CPED1: variants seen among roughly 807,000 people sequenced by gnomAD.
CPED1 encodes cadherin like and PC-esterase domain containing 1.
In CPED1, 114 loss-of-function variants were observed where a neutral mutation model predicts 128.2. That is an observed-to-expected ratio of 0.89 (90% CI 0.76 to 1.04). CPED1 has a LOEUF of 1.04. Among genes scored for constraint, CPED1 ranks in the 50% least tolerant of loss-of-function variants. The pLI, the probability that CPED1 is intolerant of heterozygous loss-of-function variation, is 0.00. For missense variants in CPED1, 1,211 were observed against 1,207.1 expected (o/e 1.00, Z -0.05); for synonymous variants, 462 against 426.7 (o/e 1.08, Z -1.02).
chr7:121,022,570 G>A (rs1229843942), intron 3 of CPED1, among the ~76,000 whole-genome samples: 1 of 151,750 alleles, frequency 6.6e-6, no homozygotes, highest in Non-Finnish European at 1.5e-5. Flanking sequence ...GATGTATTCA[G>A]CAGAAACTCA....
At chr7:120,991,554 G>C (rs1562983658) in intron 2 of CPED1, among the ~76,000 whole-genome samples, 1 of 152,116 alleles carries the variant, frequency 6.6e-6, no homozygotes, top group African/African-American at 2.4e-5. Flanking sequence ...GAATGAAAAG[G>C]TTTTATTCAT....
chr7:121,205,321 C>G (rs1337738125), intron 16 of CPED1, among the ~76,000 whole-genome samples: 1 of 152,000 alleles, frequency 6.6e-6, no homozygotes, highest in Non-Finnish European at 1.5e-5. Flanking sequence ...GCAACACTTA[C>G]TTCCATTTTT....
At chr7:121,022,556 T>C (rs762966260) in intron 3 of CPED1, among the ~76,000 whole-genome samples, 6 of 151,886 alleles carry the variant, frequency 4.0e-5, no homozygotes, top group African/African-American at 9.7e-5. Flanking sequence ...TGAATTTTCA[T>C]AGGGATGTAT....
At chr7:121,163,500 C>T (rs1473231168) in intron 16 of CPED1, among the ~76,000 whole-genome samples, 2 of 152,242 alleles carry the variant, frequency 1.3e-5, no homozygotes, top group African/African-American at 4.8e-5. Flanking sequence ...CCAGAGCCTA[C>T]AGGCTGCTGC....
In CPED1 at chr7:121,100,079, A is replaced by G. The variant is rs1794811448; in HGVS notation, c.903A>G (p.Lys301=). The change falls in exon 7 of 23, where the codon AAA becomes AAG. Residue 301 remains lysine (K), a synonymous_variant. Coordinates refer to ENST00000310396, the MANE Select transcript of CPED1 (RefSeq NM_024913.5). ...CAGTTTGGAATCCACCAAAGAAAAA[A>G]CGCTTCACTGTCAAGGTAAGCTCTC... is the stretch of plus-strand genomic sequence containing the variant. ...TGTVWNPPKK[K]RFTVKLQTFF... The G allele has an allele frequency of 6.2e-7, 1 of 1,613,048 alleles. No individual in the cohort carries two copies. Among genetic ancestry groups the G allele is most frequent in the East Asian group, 2.2e-5 (1 of 44,838 alleles).
In CPED1 at chr7:121,015,865, G is replaced by T. The variant is rs778807077; in HGVS notation, c.433+17G>T. ...TAGAACAAGGTCAGAATAGTGAGAA[G>T]TAACTGCCAAAGTCACTTGACATAT... On this transcript the variant is annotated intron_variant, in intron 3 of 22. Transcript: ENST00000310396. The T allele has an allele frequency of 1.4e-6, 2 of 1,430,804 alleles. No individual in the cohort carries two copies. The highest frequency in any genetic ancestry group is 2.9e-5 in the African/African-American group (2 of 67,958). The allele number at this position is 1,430,804 out of a possible 1,614,324, so 88.6% of individuals were successfully genotyped here. A position where few individuals can be genotyped will look rare whatever the true frequency, so the allele number is the denominator to read the frequency against.
At chr7:121,073,514 C>A (rs1001477360) in intron 5 of CPED1, among the ~76,000 whole-genome samples, 15 of 152,146 alleles carry the variant, frequency 9.9e-5, no homozygotes, top group African/African-American at 3.6e-4. Flanking sequence ...ACCAGTCCTT[C>A]TTCTACAGTT....
intron 16 of CPED1, among the ~76,000 whole-genome samples, chr7:121,188,646 A>G (rs1235398021): frequency 1.3e-5 from 2 of 152,182 alleles, no homozygotes; most frequent in Non-Finnish European, 2.9e-5. Context: ...AGATGGGGAA[A>G]GGGGAGAATC....
chr7:121,258,936 A>G (rs1584638047), intron 18 of CPED1, among the ~76,000 whole-genome samples: 1 of 152,084 alleles, frequency 6.6e-6, no homozygotes, highest in South Asian at 2.1e-4. Context: ...GGAACATATT[A>G]AAGTGAATTG....
intron 12 of CPED1, among the ~76,000 whole-genome samples, chr7:121,132,507 C>CT (rs1056660458): frequency 2.6e-5 from 4 of 151,968 alleles, no homozygotes; most frequent in African/African-American, 9.7e-5. Flanking sequence ...GTCAGGAAAG[C>CT]TTGACAATAC....
At chr7:121,228,205 C>T (rs1046123684) in intron 16 of CPED1, among the ~76,000 whole-genome samples, 1 of 151,934 alleles carries the variant, frequency 6.6e-6, no homozygotes, top group African/African-American at 2.4e-5. Flanking sequence ...CAAGAGATAA[C>T]TTGCTGAATG....
chr7:121,003,646 A>C (rs935344573), intron 2 of CPED1, among the ~76,000 whole-genome samples: 2 of 152,082 alleles, frequency 1.3e-5, no homozygotes, highest in Non-Finnish European at 2.9e-5. Context: ...TTTTGTTATG[A>C]TACGTTAGTG....
chr7:121,240,342 G>T (rs1057449965), intron 17 of CPED1, among the ~76,000 whole-genome samples: 2 of 152,076 alleles, frequency 1.3e-5, no homozygotes, highest in African/African-American at 4.8e-5. Flanking sequence ...GTAAGGGTAG[G>T]ATGCATATGC....
intron 3 of CPED1, among the ~76,000 whole-genome samples, chr7:121,026,613 A>T (rs1181224143): frequency 6.6e-6 from 1 of 151,662 alleles, no homozygotes; most frequent in Non-Finnish European, 1.5e-5. Context: ...GTGACACTCC[A>T]GAAAATTAAA....
intron 10 of CPED1, 27 bp downstream of exon 10, chr7:121,127,284 A>T: frequency 7.2e-7 from 1 of 1,397,418 alleles, no homozygotes; most frequent in Non-Finnish European, 9.8e-7. Flanking sequence ...GTACTGATAA[A>T]TATTTTTTCA....
chr7:121,244,385 A>G (rs780811804), intron 18 of CPED1, 47 bp downstream of exon 18: 35 of 1,605,044 alleles, frequency 2.2e-5, no homozygotes, highest in Non-Finnish European at 1.8e-5. Flanking sequence ...ATGCCACCTG[A>G]AGTACTAAAA....
At chr7:121,195,457 T>A (rs1015919390) in intron 16 of CPED1, among the ~76,000 whole-genome samples, 3 of 152,148 alleles carry the variant, frequency 2.0e-5, no homozygotes, top group Non-Finnish European at 4.4e-5. Context: ...AAAAATTTAA[T>A]TTTAGAAATC....
chr7:121,112,100 A>G (rs1584519250), intron 7 of CPED1, among the ~76,000 whole-genome samples: 2 of 152,258 alleles, frequency 1.3e-5, no homozygotes, highest in South Asian at 2.1e-4. Flanking sequence ...TCCGCTACAC[A>G]GTGGCAGTTT....
chr7:121,171,233 C>T (rs1445625811), intron 16 of CPED1, among the ~76,000 whole-genome samples: 1 of 152,122 alleles, frequency 6.6e-6, no homozygotes, highest in Non-Finnish European at 1.5e-5. Context: ...TAGAATGTCT[C>T]TATGCCAAAA....
Sources: gnomAD v4.1 joint callset for allele counts (sites outside exome capture counted in the v4.1 genomes callset) on GRCh38, gnomAD v4.1.1 for gene constraint, MANE v1.5 for transcripts, NCBI Gene and HGNC (gene_info 2026-07-23, HGNC 2026-07-21) for gene names.